The following PTPRD variants were observed in gnomAD, a reference collection of about 807,000 sequenced individuals.
The protein encoded by PTPRD is receptor-type tyrosine-protein phosphatase delta.
In PTPRD, 34 loss-of-function variants were observed where a neutral mutation model predicts 214.5. The observed-to-expected ratio is 0.16, with a 90% CI of 0.12 to 0.21. The LOEUF is 0.21. Among genes scored for constraint, PTPRD ranks in the 10% least tolerant of loss-of-function variants. The pLI is 1.00. For synonymous variants in PTPRD, 1,128 were observed against 845.7 expected (o/e 1.33, Z -5.79); for missense variants, 2,545 against 2,398.7 (o/e 1.06, Z -1.27).
intron 8 of PTPRD, among the ~76,000 whole-genome samples, chr9:9,482,005 A>G (rs2095433775): frequency 1.3e-5 from 2 of 152,202 alleles, no homozygotes; most frequent in Non-Finnish European, 2.9e-5. Context: ...GAACTCTCCC[A>G]GTCAACATGT....
chr9:10,129,356 C>T (rs532607916), intron 3 of PTPRD, among the ~76,000 whole-genome samples: 1 of 152,174 alleles, frequency 6.6e-6, no homozygotes, highest in East Asian at 1.9e-4. Flanking sequence ...TTTTTAAGAT[C>T]CCTAGTGGCC....
chr9:10,288,510 T>C (rs930689153), intron 3 of PTPRD, among the ~76,000 whole-genome samples: 3 of 152,278 alleles, frequency 2.0e-5, no homozygotes, highest in South Asian at 2.1e-4. Flanking sequence ...AGGTCAAGTA[T>C]AGCATGAAAG....
At chr9:10,348,436 G>A (rs1331948298) in intron 2 of PTPRD, among the ~76,000 whole-genome samples, 2 of 152,152 alleles carry the variant, frequency 1.3e-5, no homozygotes, top group Non-Finnish European at 2.9e-5. Flanking sequence ...AGCATATGCT[G>A]CAAGCGGTAA....
intron 5 of PTPRD, among the ~76,000 whole-genome samples, chr9:9,789,625 G>A (rs139032420): frequency 2.1e-4 from 32 of 151,450 alleles, no homozygotes; most frequent in African/African-American, 7.5e-4. Flanking sequence ...ATGAAACCCC[G>A]TCCCTACTAA....
Position 9,613,135 on chromosome 9 carries a change from C to CATAT in PTPRD, c.-286-38358_-286-38355dup, listed in dbSNP as rs67735335. Among the ~76,000 whole-genome samples the CATAT allele has an allele frequency of 1.0e-3, 48 of 47,852 alleles. 2 individuals are homozygous for CATAT. The highest frequency in any genetic ancestry group is 3.6e-3 in the African/African-American group (41 of 11,458). 31.4% of individuals were successfully genotyped at this position (47,852 alleles called of 152,430 possible). The stretch of plus-strand genomic sequence containing the variant: ...AGCTAGGCTGCAGTATACATACATA[C>CATAT]ATATATATATATATATATATATATA... On this transcript the variant is annotated intron_variant, in intron 7 of 45. Transcript: ENST00000381196.
intron 3 of PTPRD, among the ~76,000 whole-genome samples, chr9:10,159,133 A>G (rs1023533341): frequency 4.6e-5 from 7 of 152,120 alleles, no homozygotes; most frequent in African/African-American, 1.7e-4. Context: ...TCAGGTAAAT[A>G]TGGGCTTAAG....
chr9:10,453,854 T>A (rs2098876016), intron 2 of PTPRD, among the ~76,000 whole-genome samples: 1 of 151,684 alleles, frequency 6.6e-6, no homozygotes, highest in Non-Finnish European at 1.5e-5. Context: ...CTGGTAAGAA[T>A]GATAACCCTT....
At chr9:8,345,603 G>C (rs887528301) in intron 39 of PTPRD, among the ~76,000 whole-genome samples, 1 of 151,996 alleles carries the variant, frequency 6.6e-6, no homozygotes, top group Non-Finnish European at 1.5e-5. Flanking sequence ...TGGAGATTGT[G>C]TCATTACTCC....
intron 2 of PTPRD, among the ~76,000 whole-genome samples, chr9:10,474,368 C>A (rs1365509394): frequency 6.7e-6 from 1 of 150,256 alleles, no homozygotes; most frequent in Non-Finnish European, 1.5e-5. Flanking sequence ...GACTTTAAAC[C>A]AACAAAGGTC....
chr9:9,011,762 T>G (rs1220810068), intron 11 of PTPRD, among the ~76,000 whole-genome samples: 1 of 152,174 alleles, frequency 6.6e-6, no homozygotes, highest in Non-Finnish European at 1.5e-5. Flanking sequence ...GATGTGATTT[T>G]CAATTCTAGT....
At chr9:10,249,230 G>A (rs1053987984) in intron 3 of PTPRD, among the ~76,000 whole-genome samples, 2 of 152,138 alleles carry the variant, frequency 1.3e-5, no homozygotes, top group Non-Finnish European at 2.9e-5. Flanking sequence ...AATCACTAAA[G>A]ACAAGATCCA....
chr9:8,404,448 A>C, intron 36 of PTPRD, 89 bp downstream of exon 36: 1 of 1,480,902 alleles, frequency 6.8e-7, no homozygotes, highest in Non-Finnish European at 9.1e-7. Context: ...ACTTTCAGAG[A>C]TGGTTAATAA....
At chr9:9,297,976 T>C (rs1440104962) in intron 9 of PTPRD, among the ~76,000 whole-genome samples, 1 of 151,670 alleles carries the variant, frequency 6.6e-6, no homozygotes, top group Non-Finnish European at 1.5e-5. Flanking sequence ...TTGGTTTGGA[T>C]AATTCCCAGC....
chr9:9,264,090 G>A (rs1376646078), intron 9 of PTPRD, among the ~76,000 whole-genome samples: 2 of 151,590 alleles, frequency 1.3e-5, no homozygotes, highest in Non-Finnish European at 3.0e-5. Flanking sequence ...TTATTCAAAT[G>A]CAATAACCAC....
intron 2 of PTPRD, among the ~76,000 whole-genome samples, chr9:10,352,676 G>C (rs2097203040): frequency 6.6e-6 from 1 of 151,954 alleles, no homozygotes; most frequent in African/African-American, 2.4e-5. Flanking sequence ...TTGGATACAA[G>C]CCTTTCTTAC....
chr9:8,673,249 C>G (rs187084143), intron 12 of PTPRD, among the ~76,000 whole-genome samples: 3 of 151,822 alleles, frequency 2.0e-5, no homozygotes, highest in African/African-American at 7.3e-5. Context: ...TTAACTGAAA[C>G]GTAAGTAGAA....
chr9:9,852,745 G>A (rs1433621199), intron 5 of PTPRD, among the ~76,000 whole-genome samples: 1 of 152,010 alleles, frequency 6.6e-6, no homozygotes, highest in Non-Finnish European at 1.5e-5. Flanking sequence ...GCTAGCAGAG[G>A]CAAGATTTCA....
At chr9:9,416,453 G>A (rs1181057615) in intron 8 of PTPRD, among the ~76,000 whole-genome samples, 1 of 152,152 alleles carries the variant, frequency 6.6e-6, no homozygotes, top group Non-Finnish European at 1.5e-5. Flanking sequence ...ATTAAATAAT[G>A]TATATAAATT....
intron 9 of PTPRD, among the ~76,000 whole-genome samples, chr9:9,324,164 C>T (rs2136151501): frequency 6.6e-6 from 1 of 152,232 alleles, no homozygotes; most frequent in South Asian, 2.1e-4. Context: ...GTGCATGTGT[C>T]TTTATAGCAG....
Sources: allele counts gnomAD v4.1 joint callset (sites outside exome capture counted in the v4.1 genomes callset), GRCh38; gene constraint gnomAD v4.1.1; transcripts MANE v1.5; gene names NCBI Gene and HGNC (gene_info 2026-07-23, HGNC 2026-07-21).